Variants in ERC2 observed in about 807,000 individuals in gnomAD.
The protein encoded by ERC2 is ERC protein 2.
A neutral mutation model predicts 114.8 loss-of-function variants in ERC2; 42 were observed. That is an observed-to-expected ratio of 0.37 (90% CI 0.29 to 0.47). The LOEUF is 0.47. ERC2 is among the 20% of genes least tolerant of loss of function. ERC2 has a pLI of 0.99. For synonymous variants in ERC2, 454 were observed against 425.5 expected, an observed-to-expected ratio of 1.07 and a Z score of -0.82; for missense variants, 939 against 1,150.7, an observed-to-expected ratio of 0.82 and a Z score of 2.66.
At chr3:56,097,423 C>A (rs956230073) in intron 6 of ERC2, among the ~76,000 whole-genome samples, 5 of 152,016 alleles carry the variant, frequency 3.3e-5, no homozygotes, top group Non-Finnish European at 7.4e-5. Context: ...AATATCACAG[C>A]ACTTATAGCA....
chr3:55,827,047 T>C (rs533384739), intron 14 of ERC2, among the ~76,000 whole-genome samples: 141 of 152,344 alleles, frequency 9.3e-4, no homozygotes, highest in African/African-American at 3.2e-3. Flanking sequence ...TAACCTCAGA[T>C]GGCTGCCTTA....
At chr3:56,033,970 C>G (rs1188024424) in intron 7 of ERC2, among the ~76,000 whole-genome samples, 2 of 152,048 alleles carry the variant, frequency 1.3e-5, no homozygotes, top group South Asian at 2.1e-4. Flanking sequence ...TCAGGATAAT[C>G]AGGATAATTT....
intron 13 of ERC2, among the ~76,000 whole-genome samples, chr3:55,945,651 A>G (rs1187876816): frequency 6.6e-6 from 1 of 152,172 alleles, no homozygotes; most frequent in Admixed American, 6.5e-5. Flanking sequence ...CTTCGAAAAA[A>G]GATATTGGCT....
intron 14 of ERC2, among the ~76,000 whole-genome samples, chr3:55,757,947 A>G (rs1240052173): frequency 6.6e-6 from 1 of 152,152 alleles, no homozygotes; most frequent in Non-Finnish European, 1.5e-5. Context: ...ATATATATAT[A>G]CATTTATACC....
chr3:56,071,681 G>C (rs2076745082), intron 7 of ERC2, among the ~76,000 whole-genome samples: 1 of 152,170 alleles, frequency 6.6e-6, no homozygotes, highest in Non-Finnish European at 1.5e-5. Flanking sequence ...AACTTTCCTA[G>C]CTTTGGTTCC....
intron 12 of ERC2, chr3:55,955,029 C>G (rs1002655940): frequency 2.4e-6 from 1 of 409,394 alleles, no homozygotes; most frequent in South Asian, 1.8e-5. Context: ...TATACTGTTA[C>G]TCAAAAAAGC....
At chr3:56,178,073 G>A (rs926752974) in intron 3 of ERC2, among the ~76,000 whole-genome samples, 6 of 152,098 alleles carry the variant, frequency 3.9e-5, no homozygotes, top group African/African-American at 1.4e-4. Flanking sequence ...AGTACATGAA[G>A]AGCCTAGAAT....
chr3:56,033,081 A>AAAGAAAGG (rs1343465866), intron 7 of ERC2, among the ~76,000 whole-genome samples: 1 of 148,380 alleles, frequency 6.7e-6, no homozygotes, highest in African/African-American at 2.5e-5. Flanking sequence ...AGAAAGAAAG[A>AAAGAAAGG]AAGAAAAGTA....
intron 3 of ERC2, among the ~76,000 whole-genome samples, chr3:56,284,964 GTCTC>G (rs1425310575): frequency 7.4e-6 from 1 of 136,006 alleles, no homozygotes; most frequent in African/African-American, 2.8e-5. Context: ...GCCTGTCTCT[GTCTC>G]TATCAATCTC....
At chr3:56,418,662 T>A (rs1263534919) in intron 2 of ERC2, among the ~76,000 whole-genome samples, 1 of 152,254 alleles carries the variant, frequency 6.6e-6, no homozygotes, top group African/African-American at 2.4e-5. Context: ...AGGGAAGTAC[T>A]TTACAAACCA....
chr3:55,752,312 C>T (rs2066754369), intron 14 of ERC2, among the ~76,000 whole-genome samples: 1 of 152,182 alleles, frequency 6.6e-6, no homozygotes, highest in African/African-American at 2.4e-5. Flanking sequence ...TGTGCTGGAG[C>T]TGGCTGCTAG....
At chr3:56,373,155 G>A (rs2059416671) in intron 2 of ERC2, among the ~76,000 whole-genome samples, 1 of 152,046 alleles carries the variant, frequency 6.6e-6, no homozygotes, top group Non-Finnish European at 1.5e-5. Flanking sequence ...TTTCATATAA[G>A]TCTATTTTAC....
At chr3:56,294,643 G>A (rs953321060) in intron 3 of ERC2, among the ~76,000 whole-genome samples, 5 of 152,188 alleles carry the variant, frequency 3.3e-5, no homozygotes, top group African/African-American at 1.2e-4. Flanking sequence ...CCTAATCCTG[G>A]AAATAACATT....
At chr3:56,458,266 C>T (rs1234890936) in intron 1 of ERC2, among the ~76,000 whole-genome samples, 1 of 152,016 alleles carries the variant, frequency 6.6e-6, no homozygotes, top group Non-Finnish European at 1.5e-5. Flanking sequence ...TAGAAGAGTG[C>T]CTTTGAAGCA....
chr3:56,252,916 C>G (rs1042919832), intron 3 of ERC2, among the ~76,000 whole-genome samples: 7 of 152,106 alleles, frequency 4.6e-5, no homozygotes, highest in African/African-American at 1.4e-4. Context: ...AGATAGAAAA[C>G]TTTTTAAAAA....
intron 12 of ERC2, among the ~76,000 whole-genome samples, chr3:55,958,588 GA>G (rs1210496952): frequency 1.3e-5 from 2 of 152,224 alleles, no homozygotes; most frequent in East Asian, 1.9e-4. Context: ...TATTCATGTA[GA>G]GGGGTGCCTG....
Position 56,113,483 on chromosome 3 carries a change from CCA to C in ERC2, c.1473+26024_1473+26025del, listed in dbSNP as rs2079068928. ...GATTTAATGCCCACATATGGAAATT[CCA>C]CACACTTTGCAGTGGGTATATGTGT... On this transcript the variant is annotated intron_variant, in intron 6 of 17. Transcript: ENST00000288221. Among the ~76,000 whole-genome samples, 3 of 152,262 alleles carry C rather than the reference CCA, an allele frequency of 2.0e-5. No individual in the cohort carries two copies. The South Asian group carries it at 6.2e-4, about 32-fold the overall frequency.
At chr3:56,165,417 C>T (rs2082271596) in intron 4 of ERC2, among the ~76,000 whole-genome samples, 1 of 151,452 alleles carries the variant, frequency 6.6e-6, no homozygotes, top group Admixed American at 6.6e-5. Flanking sequence ...TGTGCTGCAC[C>T]TATTAACTCG....
intron 17 of ERC2, among the ~76,000 whole-genome samples, chr3:55,615,939 C>T (rs2059107526): frequency 6.6e-6 from 1 of 152,186 alleles, no homozygotes; most frequent in South Asian, 2.1e-4. Flanking sequence ...GCCAATTTGT[C>T]AGCCATTTGC....
Sources: allele counts gnomAD v4.1 joint callset (sites outside exome capture counted in the v4.1 genomes callset), GRCh38; gene constraint gnomAD v4.1.1; transcripts MANE v1.5; gene names NCBI Gene and HGNC (gene_info 2026-07-23, HGNC 2026-07-21).